Variants in TENM4 observed in about 807,000 individuals in gnomAD.
The protein encoded by TENM4 is teneurin transmembrane protein 4.
TENM4 carries 82 observed loss-of-function variants against 243.3 expected under a neutral mutation model. The observed-to-expected ratio is 0.34, with a 90% CI of 0.28 to 0.40. The LOEUF is 0.40. TENM4 is among the 10% of genes least tolerant of loss of function. The pLI, the probability that TENM4 is intolerant of heterozygous loss-of-function variation, is 1.00. For missense variants in TENM4, 3,138 were observed against 3,673.3 expected (o/e 0.85, Z 3.77); for synonymous variants, 1,412 against 1,456.3 (o/e 0.97, Z 0.69).
intron 12 of TENM4, among the ~76,000 whole-genome samples, chr11:78,826,111 G>A: frequency 7.6e-6 from 1 of 132,126 alleles, no homozygotes; most frequent in Non-Finnish European, 1.6e-5. Flanking sequence ...TTTTGAGACG[G>A]AGTTTTGCTC....
At chr11:78,690,288 C>T (rs953710799) in intron 28 of TENM4, among the ~76,000 whole-genome samples, 1 of 152,114 alleles carries the variant, frequency 6.6e-6, no homozygotes, top group Non-Finnish European at 1.5e-5. Context: ...CACATGGAGA[C>T]CCTCTCAGAG....
At chr11:78,796,367 T>C (rs1464555528) in intron 15 of TENM4, among the ~76,000 whole-genome samples, 1 of 152,088 alleles carries the variant, frequency 6.6e-6, no homozygotes, top group Non-Finnish European at 1.5e-5. Flanking sequence ...GGGATGTGTA[T>C]TTTCGGCCAG....
chr11:79,366,704 A>T (rs1857684373), intron 1 of TENM4, among the ~76,000 whole-genome samples: 1 of 152,170 alleles, frequency 6.6e-6, no homozygotes, highest in African/African-American at 2.4e-5. Flanking sequence ...TGCCATATTC[A>T]TTGTAAGCTC....
At chr11:78,934,253 G>C (rs79539147) in intron 6 of TENM4, among the ~76,000 whole-genome samples, 7,810 of 152,190 alleles carry the variant, frequency 0.051, 427 homozygotes, top group African/African-American at 0.14. Flanking sequence ...CCCAATCCTA[G>C]AGAATCAGAG....
At chr11:79,141,232 G>T (rs1182405387) in intron 4 of TENM4, among the ~76,000 whole-genome samples, 1 of 151,944 alleles carries the variant, frequency 6.6e-6, no homozygotes, top group Non-Finnish European at 1.5e-5. Flanking sequence ...TTCTGACTGT[G>T]ACTCAACATT....
intron 4 of TENM4, among the ~76,000 whole-genome samples, chr11:79,085,612 A>C (rs746667445): frequency 6.6e-6 from 1 of 152,166 alleles, no homozygotes; most frequent in Non-Finnish European, 1.5e-5. Flanking sequence ...CACTTAATAA[A>C]GACTCAGTCA....
At chr11:79,149,633 T>A (rs1473409887) in intron 3 of TENM4, among the ~76,000 whole-genome samples, 2 of 152,158 alleles carry the variant, frequency 1.3e-5, no homozygotes, top group African/African-American at 4.8e-5. Context: ...GGATACTGAC[T>A]CCTTGAAATT....
intron 12 of TENM4, among the ~76,000 whole-genome samples, chr11:78,815,531 G>A (rs1325787757): frequency 6.6e-6 from 1 of 152,152 alleles, no homozygotes; most frequent in African/African-American, 2.4e-5. Context: ...GACAGGTCAA[G>A]AAAATATAGA....
intron 6 of TENM4, among the ~76,000 whole-genome samples, chr11:78,918,679 C>T (rs1856376858): frequency 1.5e-5 from 1 of 67,600 alleles, no homozygotes; most frequent in African/African-American, 6.0e-5. Context: ...TGTAGATCTC[C>T]AGGCCTGGCA....
At chr11:79,319,223 C>A (rs1179944911) in intron 1 of TENM4, among the ~76,000 whole-genome samples, 1 of 152,198 alleles carries the variant, frequency 6.6e-6, no homozygotes, top group African/African-American at 2.4e-5. Context: ...TTTCCTTAAA[C>A]CAGGACATTA....
At chr11:78,704,834 C>T (rs181014596) in intron 27 of TENM4, among the ~76,000 whole-genome samples, 159 of 152,354 alleles carry the variant, frequency 1.0e-3, no homozygotes, top group East Asian at 4.8e-3. Context: ...TATATACACA[C>T]GAGTGAGGCC....
At chr11:79,118,830 C>A (rs1197016612) in intron 4 of TENM4, among the ~76,000 whole-genome samples, 1 of 152,126 alleles carries the variant, frequency 6.6e-6, no homozygotes, top group Admixed American at 6.6e-5. Flanking sequence ...GTGGTTTGCA[C>A]CTTTTTTGGC....
At chr11:79,206,557 C>T (rs555207462) in intron 3 of TENM4, among the ~76,000 whole-genome samples, 1 of 152,160 alleles carries the variant, frequency 6.6e-6, no homozygotes, top group Non-Finnish European at 1.5e-5. Context: ...TTGTATCTCC[C>T]AGAATTCCCA....
At chr11:79,049,287 C>G (rs764709476) in intron 6 of TENM4, among the ~76,000 whole-genome samples, 1 of 152,188 alleles carries the variant, frequency 6.6e-6, no homozygotes, top group Non-Finnish European at 1.5e-5. Flanking sequence ...CTACTCAGGA[C>G]GCATCATTTC....
intron 1 of TENM4, among the ~76,000 whole-genome samples, chr11:79,372,677 C>A (rs187569286): frequency 5.9e-5 from 9 of 152,254 alleles, no homozygotes; most frequent in Admixed American, 5.2e-4. Flanking sequence ...TCACTTTCCT[C>A]TTCTGTGAAA....
intron 4 of TENM4, among the ~76,000 whole-genome samples, chr11:79,117,220 G>A (rs1363667891): frequency 6.6e-6 from 1 of 152,134 alleles, no homozygotes; most frequent in Non-Finnish European, 1.5e-5. Context: ...CTGTGCCCAT[G>A]TGATTTTCCC....
At chr11:78,735,290 A>C (rs2135890489) in intron 20 of TENM4, among the ~76,000 whole-genome samples, 1 of 152,198 alleles carries the variant, frequency 6.6e-6, no homozygotes, top group East Asian at 1.9e-4. Flanking sequence ...TTGAATCAAT[A>C]ATTCAGGTTT....
intron 1 of TENM4, among the ~76,000 whole-genome samples, chr11:79,364,475 T>C (rs1857643263): frequency 6.6e-6 from 1 of 152,178 alleles, no homozygotes; most frequent in South Asian, 2.1e-4. Flanking sequence ...CCAAAATTCA[T>C]GTAGCTCTAC....
chr11:79,293,677 T>C (rs1856395096), intron 2 of TENM4, among the ~76,000 whole-genome samples: 1 of 152,142 alleles, frequency 6.6e-6, no homozygotes, highest in Admixed American at 6.6e-5. Context: ...ATGGCTATTG[T>C]TCCTCACCCC....
Sources: gnomAD v4.1 joint callset for allele counts (sites outside exome capture counted in the v4.1 genomes callset) on GRCh38, gnomAD v4.1.1 for gene constraint, MANE v1.5 for transcripts, NCBI Gene and HGNC (gene_info 2026-07-23, HGNC 2026-07-21) for gene names.